Variants in STARD7 observed in about 807,000 individuals in gnomAD.
The protein encoded by STARD7 is stAR-related lipid transfer protein 7, mitochondrial.
Under a neutral mutation model 45.3 loss-of-function variants are expected in STARD7, and 30 were observed. The observed-to-expected ratio is 0.66, with a 90% CI of 0.50 to 0.90. The LOEUF (loss-of-function observed/expected upper bound fraction) is 0.90, where lower values mean the gene tolerates loss of function less well. STARD7 is among the 40% of genes least tolerant of loss of function. The pLI is 0.00. For synonymous variants in STARD7, 199 were observed against 183.0 expected (o/e 1.09, Z -0.70); for missense variants, 495 against 491.3 (o/e 1.01, Z -0.07).
chr2:96,203,926 G>A (rs1024889448), intron 1 of STARD7, among the ~76,000 whole-genome samples: 13 of 151,590 alleles, frequency 8.6e-5, no homozygotes, highest in African/African-American at 2.4e-4. Flanking sequence ...AGATCACACC[G>A]CTGCACTCCA....
Position 96,204,555 on chromosome 2 carries a change from G to A in STARD7, c.290+3590C>T, listed in dbSNP as rs115337636. 1.9e-3 allele frequency among the ~76,000 whole-genome samples: 290 copies of A among 152,228 alleles called. 2 individuals carry two copies. The highest frequency in any genetic ancestry group is 6.1e-3 in the African/African-American group (254 of 41,546). ...GGGCGACAGGGTGAGACTCTGTCCC[G>A]GAAGGGGGCGGGAGGGAAGGGGAGG... is the stretch of plus-strand genomic sequence containing the variant. On this transcript the variant is annotated intron_variant, in intron 1 of 7. Coordinates refer to ENST00000337288, the MANE Select transcript of STARD7 (RefSeq NM_020151.4).
At chr2:96,197,909 C>G (rs1683249449) in intron 1 of STARD7, among the ~76,000 whole-genome samples, 1 of 152,158 alleles carries the variant, frequency 6.6e-6, no homozygotes, top group Non-Finnish European at 1.5e-5. Context: ...CTTTTTATAG[C>G]TGAATAATAT....
At chr2:96,207,236 G>C (rs1683407887) in intron 1 of STARD7, among the ~76,000 whole-genome samples, 1 of 152,182 alleles carries the variant, frequency 6.6e-6, no homozygotes, top group Non-Finnish European at 1.5e-5. Context: ...AACAAAAAAT[G>C]TGGAATAACA....
chr2:96,206,644 CA>C (rs368949164), intron 1 of STARD7, among the ~76,000 whole-genome samples: 6 of 151,080 alleles, frequency 4.0e-5, no homozygotes, highest in African/African-American at 4.9e-5. Flanking sequence ...ACTAAAAATA[CA>C]AAAAAATTAG....
chr2:96,191,513 A>G (rs575717652), intron 6 of STARD7, among the ~76,000 whole-genome samples: 1 of 152,268 alleles, frequency 6.6e-6, no homozygotes, highest in Non-Finnish European at 1.5e-5. Flanking sequence ...GCAATTTATC[A>G]CTTCTCCCTA....
intron 1 of STARD7, among the ~76,000 whole-genome samples, chr2:96,204,161 G>A (rs1335470230): frequency 6.6e-6 from 1 of 152,114 alleles, no homozygotes; most frequent in African/African-American, 2.4e-5. Flanking sequence ...TGGCAAGGCT[G>A]AGGCACGAGA....
chr2:96,190,502 T>C (rs1408108343), intron 6 of STARD7, among the ~76,000 whole-genome samples: 8 of 152,076 alleles, frequency 5.3e-5, no homozygotes, highest in Non-Finnish European at 1.0e-4. Context: ...AATGCCTGGA[T>C]AATTTTTGTA....
intron 1 of STARD7, among the ~76,000 whole-genome samples, chr2:96,206,573 G>A (rs1683392592): frequency 6.6e-6 from 1 of 151,974 alleles, no homozygotes. Flanking sequence ...GGCCGAGGCG[G>A]GCGGATCACG....
Position 96,208,366 on chromosome 2 carries a change from C to T in STARD7, c.69G>A (p.Leu23=), listed in dbSNP as rs1683437684. 1.3e-6 allele frequency: 2 copies of T among 1,545,100 alleles called. No individual in the cohort carries two copies. Among genetic ancestry groups the T allele is most frequent in the Non-Finnish European group, 8.7e-7 (1 of 1,155,646 alleles). ...GTRGGGLLAL[L]ANQCRFVTGL... The stretch of plus-strand genomic sequence containing the variant: ...CCGTGACGAAGCGGCACTGATTGGC[C>T]AGAAGCGCCAGCAGGCCCCCGCCCC... Residue 23 remains leucine (L), a synonymous_variant, in exon 1 of 8, where the codon CTG becomes CTA. Transcript: ENST00000337288.
intron 1 of STARD7, among the ~76,000 whole-genome samples, chr2:96,196,622 C>A (rs576088782): frequency 2.0e-5 from 3 of 152,220 alleles, no homozygotes; most frequent in African/African-American, 4.8e-5. Context: ...CTATCATGCC[C>A]GGCTGATTTT....
In STARD7 at chr2:96,208,697, A is replaced by G. The variant is rs1683452819; in HGVS notation, c.-263T>C. On this transcript the variant is annotated 5_prime_UTR_variant, in exon 1 of 8. Transcript: ENST00000337288. ...CACTCCTGGGCCCGGGCAGCAGACC[A>G]GTCAGCCCTGTGGCTCCTCGGCGAC... 7.0e-6 allele frequency: 3 copies of G among 429,686 alleles called. No individual in the cohort carries two copies. In the East Asian group the frequency reaches 1.1e-4, roughly 15 times the overall value. 26.6% of individuals were successfully genotyped at this position (429,686 alleles called of 1,614,324 possible). A position where few individuals can be genotyped will look rare whatever the true frequency, so the allele number is the denominator to read the frequency against.
intron 2 of STARD7, 89 bp downstream of exon 2, chr2:96,195,252 A>C: frequency 4.1e-6 from 5 of 1,224,274 alleles, no homozygotes; most frequent in Non-Finnish European, 5.7e-6. Context: ...TCTGAGAAAC[A>C]ACCAGAACAG....
chr2:96,186,626 G>A lies in STARD7; in HGVS notation c.*104C>T. On this transcript the variant is annotated 3_prime_UTR_variant, in exon 8 of 8. Coordinates refer to ENST00000337288, the MANE Select transcript of STARD7 (RefSeq NM_020151.4). ...GAATTATCTTGCACTGGAAGTTACA[G>A]CAGATGCCTTCTAATACATGTGGCA... The A allele has an allele frequency of 1.3e-6, 1 of 777,870 alleles. No homozygotes were observed. Among genetic ancestry groups the A allele is most frequent in the Non-Finnish European group, 2.0e-6 (1 of 506,480 alleles). The allele number at this position is 777,870 out of a possible 1,614,324, so 48.2% of individuals were successfully genotyped here. A position where few individuals can be genotyped will look rare whatever the true frequency, so the allele number is the denominator to read the frequency against.
chr2:96,192,272 C>G, intron 6 of STARD7, 97 bp downstream of exon 6: 1 of 990,830 alleles, frequency 1.0e-6, no homozygotes, highest in Admixed American at 1.7e-5. Flanking sequence ...GAGAACTGTT[C>G]CTGCGCCACA....
At chr2:96,187,154 G>T in intron 7 of STARD7, 63 bp downstream of exon 7, 1 of 1,270,588 alleles carries the variant, frequency 7.9e-7, no homozygotes, top group Non-Finnish European at 1.1e-6. Context: ...TCCCCATTAG[G>T]AAATAGAGAA....
At chr2:96,204,505 A>T (rs1392446728) in intron 1 of STARD7, among the ~76,000 whole-genome samples, 1 of 151,894 alleles carries the variant, frequency 6.6e-6, no homozygotes, top group Non-Finnish European at 1.5e-5. Flanking sequence ...CAGTGAGCCG[A>T]GATCATGCCA....
intron 3 of STARD7, 141 bp from the exon 4 acceptor site, chr2:96,193,493 T>G (rs899617360): frequency 1.5e-6 from 1 of 651,470 alleles, no homozygotes; most frequent in Non-Finnish European, 2.7e-6. Flanking sequence ...TGCCAGAGTG[T>G]GAGAGACATG....
In STARD7 at chr2:96,195,011, G is replaced by A; in HGVS notation, c.500-4C>T. ...ACATCTGTGTAGGTTCCAAAAACTAGAATGAAAAGAAAGAATAAGGGATGC... is the reference window on the plus strand; with the variant it reads ...ACATCTGTGTAGGTTCCAAAAACTAAAATGAAAAGAAAGAATAAGGGATGC... On this transcript the variant is annotated splice_polypyrimidine_tract_variant and splice_region_variant and intron_variant, in intron 2 of 7. Coordinates refer to ENST00000337288, the MANE Select transcript of STARD7 (RefSeq NM_020151.4). The A allele has an allele frequency of 2.5e-6, 4 of 1,606,376 alleles. No homozygotes were observed. The highest frequency in any genetic ancestry group is 3.4e-6 in the Non-Finnish European group (4 of 1,176,194).
rs550617645 is a variant in STARD7, at chr2:96,198,020, T to C, written c.291-2471A>G. Among the ~76,000 whole-genome samples, 5 of 152,246 alleles carry C rather than the reference T, an allele frequency of 3.3e-5. No homozygotes were observed. The South Asian group carries it at 1.0e-3, about 32-fold the overall frequency. On this transcript the variant is annotated intron_variant, in intron 1 of 7. Transcript: ENST00000337288. ...CTATTATAATAGCACTATATTATAT[T>C]ACTGCTATTATAATACTGCTGGCCG...
Sources: gnomAD v4.1 joint callset for allele counts (sites outside exome capture counted in the v4.1 genomes callset) on GRCh38, gnomAD v4.1.1 for gene constraint, MANE v1.5 for transcripts, NCBI Gene and HGNC (gene_info 2026-07-23, HGNC 2026-07-21) for gene names.